GADL1: variants seen among roughly 807,000 people sequenced by gnomAD.
GADL1 encodes acidic amino acid decarboxylase GADL1.
A neutral mutation model predicts 69.5 loss-of-function variants in GADL1; 71 were observed. The ratio of observed to expected loss-of-function variants is 1.02; its 90% CI spans 0.84 to 1.25. The LOEUF is 1.25. Among genes scored for constraint, GADL1 ranks in the 50% most tolerant of loss-of-function variants. GADL1 has a pLI of 0.00. For missense variants in GADL1, 737 were observed against 631.8 expected, an observed-to-expected ratio of 1.17 and a Z score of -1.79; for synonymous variants, 254 against 214.4, an observed-to-expected ratio of 1.18 and a Z score of -1.62.
At chr3:30,790,870 A>G (rs1696898224) in intron 12 of GADL1, among the ~76,000 whole-genome samples, 1 of 152,190 alleles carries the variant, frequency 6.6e-6, no homozygotes, top group Non-Finnish European at 1.5e-5. Flanking sequence ...CTATAGCAAC[A>G]TAATGTAATA....
At chr3:30,818,076 C>G (rs1006526642) in intron 11 of GADL1, among the ~76,000 whole-genome samples, 9 of 152,138 alleles carry the variant, frequency 5.9e-5, no homozygotes, top group Non-Finnish European at 1.3e-4. Flanking sequence ...CCTCCTTGCC[C>G]AGTTCACAAT....
At chr3:30,861,453 A>G in intron 2 of GADL1, 140 bp downstream of exon 2, 1 of 636,350 alleles carries the variant, frequency 1.6e-6, no homozygotes. Context: ...CTACACTTTT[A>G]TATCTGGACA....
chr3:30,871,079 G>GTGTC (rs1010205282), intron 1 of GADL1, among the ~76,000 whole-genome samples: 1 of 149,572 alleles, frequency 6.7e-6, no homozygotes, highest in Non-Finnish European at 1.5e-5. Flanking sequence ...GTGTGTGTGT[G>GTGTC]TCCAAGAAAC....
intron 1 of GADL1, among the ~76,000 whole-genome samples, chr3:30,893,209 C>A (rs1698808422): frequency 6.6e-6 from 1 of 152,228 alleles, no homozygotes; most frequent in Non-Finnish European, 1.5e-5. Flanking sequence ...AAGAGTCTGA[C>A]AAAATGCCTT....
At chr3:30,813,243 T>G (rs1697394995) in intron 11 of GADL1, among the ~76,000 whole-genome samples, 1 of 152,216 alleles carries the variant, frequency 6.6e-6, no homozygotes, top group Non-Finnish European at 1.5e-5. Flanking sequence ...ATAATAATAT[T>G]GCACTGCAGC....
intron 13 of GADL1, among the ~76,000 whole-genome samples, chr3:30,780,049 G>GT (rs1696625879): frequency 6.6e-6 from 1 of 152,100 alleles, no homozygotes; most frequent in Admixed American, 6.5e-5. Flanking sequence ...CCCCTTTCAG[G>GT]TGGCATCACG....
intron 14 of GADL1, among the ~76,000 whole-genome samples, chr3:30,769,621 T>C (rs776142663): frequency 6.6e-6 from 1 of 152,096 alleles, no homozygotes; most frequent in Non-Finnish European, 1.5e-5. Flanking sequence ...AGGAGAGGCA[T>C]TGAAGCCCAG....
intron 11 of GADL1, 110 bp from the exon 12 acceptor site, chr3:30,801,198 C>T: frequency 2.6e-6 from 2 of 774,414 alleles, no homozygotes; most frequent in Non-Finnish European, 4.2e-6. Flanking sequence ...GCCAAGTGTA[C>T]ATCTCACTTT....
intron 1 of GADL1, among the ~76,000 whole-genome samples, chr3:30,876,787 C>T (rs1698582258): frequency 6.6e-6 from 1 of 151,856 alleles, no homozygotes; most frequent in African/African-American, 2.4e-5. Context: ...TATTAATAGC[C>T]AACTTTCTTG....
At chr3:30,785,390 T>C (rs1036196730) in intron 13 of GADL1, among the ~76,000 whole-genome samples, 1 of 149,752 alleles carries the variant, frequency 6.7e-6, no homozygotes, top group Non-Finnish European at 1.5e-5. Flanking sequence ...TTCTTTTTTT[T>C]TTTTTCCCCC....
chr3:30,751,504 C>G (rs1026556547), intron 14 of GADL1, among the ~76,000 whole-genome samples: 1 of 150,936 alleles, frequency 6.6e-6, no homozygotes, highest in African/African-American at 2.4e-5. Flanking sequence ...ACCTGGGCAA[C>G]TAGATCTTGT....
At chr3:30,791,699 GC>G (rs1378051020) in intron 12 of GADL1, among the ~76,000 whole-genome samples, 1 of 152,074 alleles carries the variant, frequency 6.6e-6, no homozygotes, top group Non-Finnish European at 1.5e-5. Flanking sequence ...AGCCTGTAAA[GC>G]CCAGTGATAT....
chr3:30,845,223 C>T (rs544139634), intron 6 of GADL1, among the ~76,000 whole-genome samples: 2 of 152,256 alleles, frequency 1.3e-5, no homozygotes, highest in South Asian at 4.1e-4. Flanking sequence ...TAAGTCTGGT[C>T]TATTTCTTAT....
intron 2 of GADL1, among the ~76,000 whole-genome samples, 171 bp from the exon 3 acceptor site, chr3:30,857,312 C>T (rs1463865241): frequency 2.0e-5 from 3 of 151,964 alleles, no homozygotes; most frequent in African/African-American, 7.2e-5. Flanking sequence ...TTGATGGGAC[C>T]AATGAGGGGC....
At chr3:30,808,078 C>A (rs763148781) in intron 11 of GADL1, among the ~76,000 whole-genome samples, 11 of 151,944 alleles carry the variant, frequency 7.2e-5, no homozygotes, top group Non-Finnish European at 1.3e-4. Context: ...ATCAGACTGA[C>A]CCATGTAAAA....
chr3:30,787,219 A>AG (rs34963897), intron 12 of GADL1, among the ~76,000 whole-genome samples: 34,691 of 152,082 alleles, frequency 0.23, 4,688 homozygotes, highest in Non-Finnish European at 0.3. Context: ...CCTGAATATG[A>AG]GGGGAAAAAA....
intron 14 of GADL1, among the ~76,000 whole-genome samples, chr3:30,747,196 G>A (rs1017358052): frequency 6.6e-6 from 1 of 152,130 alleles, no homozygotes; most frequent in Non-Finnish European, 1.5e-5. Context: ...TTCTGTTTAT[G>A]TCAACAGCCA....
rs760740844 is a variant in GADL1 at position 30,850,852 on chromosome 3, T to A, written c.518A>T (p.Asp173Val). The change falls in exon 5 of 15, where the codon GAT becomes GTT. Residue 173 changes from aspartate (D) to valine (V), a missense_variant. By Grantham distance (152) the Asp-to-Val change is radical (BLOSUM62 -3). Transcript: ENST00000282538. ...MIEFIGWKEG[D>V]GIFNPGGSVS... ...GTACTCACCTGGGTTAAATATTCCATCCCCTTCTTTCCAGCCAATAAATTC... is the reference window on the plus strand; with the variant it reads ...GTACTCACCTGGGTTAAATATTCCAACCCCTTCTTTCCAGCCAATAAATTC... 1 of 1,546,254 alleles carries A rather than the reference T, an allele frequency of 6.5e-7. No individual in the cohort carries two copies. The highest frequency in any genetic ancestry group is 8.8e-7 in the Non-Finnish European group (1 of 1,142,218).
chr3:30,849,476 C>T (rs1468376560), intron 6 of GADL1, among the ~76,000 whole-genome samples: 1 of 152,106 alleles, frequency 6.6e-6, no homozygotes, highest in South Asian at 2.1e-4. Context: ...CGCTTATCTA[C>T]TGTCTGACCC....
Sources: allele counts gnomAD v4.1 joint callset (sites outside exome capture counted in the v4.1 genomes callset), GRCh38; gene constraint gnomAD v4.1.1; transcripts MANE v1.5; gene names NCBI Gene and HGNC (gene_info 2026-07-23, HGNC 2026-07-21).